CRACD: variants seen among roughly 807,000 people sequenced by gnomAD.
CRACD encodes capping protein-inhibiting regulator of actin dynamics.
A neutral mutation model predicts 106.8 loss-of-function variants in CRACD; 56 were observed. The ratio of observed to expected loss-of-function variants is 0.52; its 90% confidence interval spans 0.42 to 0.66. The LOEUF is 0.66. Among genes scored for constraint, CRACD ranks in the 30% least tolerant of loss-of-function variants. CRACD has a pLI of 0.00. For synonymous variants in CRACD, 754 were observed against 670.8 expected (o/e 1.12, Z -1.92); for missense variants, 1,730 against 1,623.2 (o/e 1.07, Z -1.13).
At chr4:56,116,383 A>T (rs1208656059) in intron 1 of CRACD, among the ~76,000 whole-genome samples, 1 of 152,214 alleles carries the variant, frequency 6.6e-6, no homozygotes, top group Non-Finnish European at 1.5e-5. Context: ...TCTATGGGGT[A>T]GATATTATTC....
intron 2 of CRACD, among the ~76,000 whole-genome samples, chr4:56,238,114 C>T (rs183663968): frequency 6.6e-6 from 1 of 152,110 alleles, no homozygotes; most frequent in Non-Finnish European, 1.5e-5. Context: ...AAACAACAAC[C>T]ACATTTAATT....
At chr4:56,103,205 C>T (rs138355582) in intron 1 of CRACD, among the ~76,000 whole-genome samples, 33 of 152,252 alleles carry the variant, frequency 2.2e-4, no homozygotes, top group Non-Finnish European at 4.7e-4. Context: ...TCAGCCTAGA[C>T]GTACACATAT....
chr4:56,277,453 A>AT (rs956190236), intron 3 of CRACD, among the ~76,000 whole-genome samples: 10 of 113,502 alleles, frequency 8.8e-5, no homozygotes, highest in African/African-American at 4.0e-4. Flanking sequence ...TTCATGATTT[A>AT]TAAAAAAAAA....
chr4:56,124,628 C>T (rs993905462), intron 1 of CRACD, among the ~76,000 whole-genome samples: 6 of 152,144 alleles, frequency 3.9e-5, no homozygotes, highest in Admixed American at 6.6e-5. Flanking sequence ...GTTTAAATCA[C>T]GGTCCAAATA....
intron 1 of CRACD, among the ~76,000 whole-genome samples, chr4:56,070,445 G>A (rs529069264): frequency 6.6e-6 from 1 of 152,150 alleles, no homozygotes; most frequent in African/African-American, 2.4e-5. Context: ...GACTACAGGC[G>A]CCCGCCATCG....
chr4:56,291,605 T>A (rs1743708776), intron 3 of CRACD, among the ~76,000 whole-genome samples: 1 of 152,180 alleles, frequency 6.6e-6, no homozygotes, highest in South Asian at 2.1e-4. Context: ...GTAACCATGC[T>A]CACCAAAGAT....
In CRACD at chr4:56,329,997, A is replaced by G. The variant is rs1746702035; in HGVS notation, c.*2193A>G. Among the ~76,000 whole-genome samples, 1 of 152,176 alleles carries G rather than the reference A, an allele frequency of 6.6e-6. No individual in the cohort carries two copies. The highest frequency in any genetic ancestry group is 1.5e-5 in the Non-Finnish European group (1 of 68,028). ...TGAAGAAAGGGCAGTCACAATACTT[A>G]CTTCTAACAGCTTCTAAAGGGTACA... On this transcript the variant is annotated 3_prime_UTR_variant, in exon 11 of 11. Coordinates refer to ENST00000682029, the MANE Select transcript of CRACD (RefSeq NM_001393381.1).
intron 2 of CRACD, among the ~76,000 whole-genome samples, chr4:56,191,758 G>T (rs1247750318): frequency 1.3e-5 from 2 of 152,218 alleles, no homozygotes; most frequent in Admixed American, 1.3e-4. Flanking sequence ...ATTTCTAAGA[G>T]AAAGTGAATT....
chr4:56,232,835 C>T (rs1394119305), intron 2 of CRACD, among the ~76,000 whole-genome samples: 1 of 151,976 alleles, frequency 6.6e-6, no homozygotes, highest in African/African-American at 2.4e-5. Flanking sequence ...AGAGATTCTC[C>T]TGCCTCAGCC....
chr4:56,089,420 C>T (rs777403524), intron 1 of CRACD, among the ~76,000 whole-genome samples: 5 of 152,044 alleles, frequency 3.3e-5, no homozygotes, highest in African/African-American at 4.8e-5. Flanking sequence ...GTTAAGTTGC[C>T]GCCTACGGCA....
At chr4:56,303,875 G>A (rs985472459) in intron 4 of CRACD, among the ~76,000 whole-genome samples, 6 of 152,122 alleles carry the variant, frequency 3.9e-5, no homozygotes, top group African/African-American at 1.4e-4. Context: ...CCTCCTCTTC[G>A]TCACAGCCAC....
At chr4:56,276,497 C>T (rs1742681013) in intron 3 of CRACD, among the ~76,000 whole-genome samples, 1 of 152,148 alleles carries the variant, frequency 6.6e-6, no homozygotes, top group Non-Finnish European at 1.5e-5. Context: ...GAAGTTATTA[C>T]AGTGTATTCA....
chr4:56,112,129 T>G (rs895761699), intron 1 of CRACD, among the ~76,000 whole-genome samples: 1 of 152,186 alleles, frequency 6.6e-6, no homozygotes, highest in Non-Finnish European at 1.5e-5. Flanking sequence ...GAGTCAGGCA[T>G]GGTGGTTGCT....
At chr4:56,203,853 A>G (rs1371138621) in intron 2 of CRACD, among the ~76,000 whole-genome samples, 5 of 152,034 alleles carry the variant, frequency 3.3e-5, no homozygotes, top group African/African-American at 1.2e-4. Context: ...AGTACCTCCA[A>G]TCCTCGTTTT....
rs544929037 is a variant in CRACD, at chr4:56,260,440, C to A, written c.-188-11881C>A. Among the ~76,000 whole-genome samples the A allele has an allele frequency of 4.2e-4, 64 of 152,284 alleles. 1 individual carries two copies. The South Asian group carries it at 6.0e-3, about 14-fold the overall frequency. On this transcript the variant is annotated intron_variant, in intron 2 of 10. Transcript: ENST00000682029. ...TATTAAAAACTTGGAGATTAAGTAT[C>A]GTTTAAGGACATGTGTATAGATGCC... is the stretch of plus-strand genomic sequence containing the variant.
chr4:56,273,324 C>A (rs1454557794), intron 3 of CRACD, among the ~76,000 whole-genome samples: 2 of 151,656 alleles, frequency 1.3e-5, no homozygotes, highest in Non-Finnish European at 2.9e-5. Flanking sequence ...TTCCTTCCTT[C>A]CTTCCTTCCT....
At chr4:56,074,729 A>G (rs1012045111) in intron 1 of CRACD, among the ~76,000 whole-genome samples, 1 of 152,148 alleles carries the variant, frequency 6.6e-6, no homozygotes, top group African/African-American at 2.4e-5. Context: ...TATGTTGAAT[A>G]GGAGTGGTGA....
At chr4:56,278,815 T>C (rs1742827685) in intron 3 of CRACD, among the ~76,000 whole-genome samples, 1 of 152,140 alleles carries the variant, frequency 6.6e-6, no homozygotes, top group African/African-American at 2.4e-5. Context: ...AAATTTTTTT[T>C]TATTGGGCAA....
intron 2 of CRACD, among the ~76,000 whole-genome samples, chr4:56,184,152 C>A (rs2109442743): frequency 6.6e-6 from 1 of 152,210 alleles, no homozygotes; most frequent in African/African-American, 2.4e-5. Context: ...CTCACGGCAA[C>A]CCCCGCCTCC....
Sources: gnomAD v4.1 joint callset for allele counts (sites outside exome capture counted in the v4.1 genomes callset) on GRCh38, gnomAD v4.1.1 for gene constraint, MANE v1.5 for transcripts, NCBI Gene and HGNC (gene_info 2026-07-23, HGNC 2026-07-21) for gene names.